LRP2: variants seen among roughly 807,000 people sequenced by gnomAD.
The protein encoded by LRP2 is low-density lipoprotein receptor-related protein 2.
Under a neutral mutation model 531.0 loss-of-function variants are expected in LRP2, and 172 were observed. The observed-to-expected ratio is 0.32, with a 90% CI of 0.29 to 0.37. The LOEUF (loss-of-function observed/expected upper bound fraction) is 0.37. Among genes scored for constraint, LRP2 ranks in the 10% least tolerant of loss-of-function variants. The pLI is 1.00. For synonymous variants in LRP2, 1,992 were observed against 2,027.6 expected (o/e 0.98, Z 0.47); for missense variants, 5,167 against 5,868.3 (o/e 0.88, Z 3.90).
intron 9 of LRP2, among the ~76,000 whole-genome samples, chr2:169,286,984 A>C (rs3770611): frequency 0.57 from 87,198 of 151,988 alleles, 26,015 homozygotes; most frequent in Middle Eastern, 0.71. Flanking sequence ...GTGAGGGGGG[A>C]AAAGGAGCCT....
At chr2:169,296,566 AGC>A (rs1684139033) in intron 4 of LRP2, among the ~76,000 whole-genome samples, 1 of 152,030 alleles carries the variant, frequency 6.6e-6, no homozygotes, top group Non-Finnish European at 1.5e-5. Context: ...TTTTAAGAGC[AGC>A]AGCAAGCAGA....
intron 76 of LRP2, among the ~76,000 whole-genome samples, chr2:169,135,628 A>C (rs1007264122): frequency 4.6e-5 from 7 of 152,056 alleles, no homozygotes; most frequent in Non-Finnish European, 8.8e-5. Context: ...AACACACCTC[A>C]CCAAGCTCAG....
intron 9 of LRP2, among the ~76,000 whole-genome samples, chr2:169,288,443 T>C (rs1683913491): frequency 6.6e-6 from 1 of 152,188 alleles, no homozygotes; most frequent in Non-Finnish European, 1.5e-5. Flanking sequence ...AATCTGCTCA[T>C]CTTGAATGAT....
chr2:169,210,465 T>C (rs1254081324), intron 37 of LRP2, among the ~76,000 whole-genome samples: 1 of 152,248 alleles, frequency 6.6e-6, no homozygotes, highest in Non-Finnish European at 1.5e-5. Context: ...AAAGTATTAT[T>C]GCTAAATGTA....
intron 70 of LRP2, among the ~76,000 whole-genome samples, chr2:169,143,815 A>T (rs1481110241): frequency 6.6e-6 from 1 of 152,198 alleles, no homozygotes; most frequent in Non-Finnish European, 1.5e-5. Context: ...CAAGGGTTGT[A>T]CTGGAGTGGA....
chr2:169,142,252 A>G (rs1685748857), intron 71 of LRP2, among the ~76,000 whole-genome samples: 2 of 152,236 alleles, frequency 1.3e-5, no homozygotes, highest in African/African-American at 4.8e-5. Flanking sequence ...CTGATAATAT[A>G]AAGCACTTTT....
At chr2:169,198,144 T>C (rs562238883) in intron 45 of LRP2, among the ~76,000 whole-genome samples, 50 of 152,330 alleles carry the variant, frequency 3.3e-4, no homozygotes, top group African/African-American at 1.1e-3. Flanking sequence ...TCAGGCACGG[T>C]GGCTCATACT....
intron 1 of LRP2, among the ~76,000 whole-genome samples, chr2:169,323,984 C>T (rs927941808): frequency 6.6e-6 from 1 of 152,082 alleles, no homozygotes; most frequent in Non-Finnish European, 1.5e-5. Flanking sequence ...CAAATGAACA[C>T]CCTATCTCTC....
At chr2:169,274,972 GCTTTGAGAAAAC>G in intron 14 of LRP2, 52 bp downstream of exon 14, 9 of 1,515,764 alleles carry the variant, frequency 5.9e-6, no homozygotes, top group Non-Finnish European at 7.3e-6. Flanking sequence ...AACTTTCAAA[GCTTTGAGAAAAC>G]CTTTCCACCA....
chr2:169,197,845 T>C (rs1168900838), intron 45 of LRP2, among the ~76,000 whole-genome samples: 1 of 152,238 alleles, frequency 6.6e-6, no homozygotes, highest in Non-Finnish European at 1.5e-5. Flanking sequence ...TCCTGTGCTG[T>C]ACCCTAATTT....
At position 169,284,256 on chromosome 2, in the gene LRP2, C is replaced by CTCTTTTTTTTTTTTTT. The variant is rs1553508684; in HGVS notation, c.1043-1256_1043-1255insAAAAAAAAAAAAAAGA. ...CTTTTCTTTTCTTTTTCTTTTTTTT[C>CTCTTTTTTTTTTTTTT]TTTTTTTTTTTTTTTTTTTTTTTTT... On this transcript the variant is annotated intron_variant, in intron 9 of 78. Coordinates refer to ENST00000649046, the MANE Select transcript of LRP2 (RefSeq NM_004525.3). Among the ~76,000 whole-genome samples, 23 of 96,668 alleles carry CTCTTTTTTTTTTTTTT rather than the reference C, an allele frequency of 2.4e-4. 2 individuals carry two copies. Among genetic ancestry groups the CTCTTTTTTTTTTTTTT allele is most frequent in the Non-Finnish European group, 2.9e-4 (15 of 51,788 alleles). The allele number at this position is 96,668 out of a possible 152,430, so 63.4% of individuals were successfully genotyped here.
chr2:169,202,343 G>A (rs576588049), intron 43 of LRP2, among the ~76,000 whole-genome samples: 2 of 152,274 alleles, frequency 1.3e-5, no homozygotes, highest in African/African-American at 2.4e-5. Context: ...TTTGTGCTAC[G>A]AAAATTGGTA....
At chr2:169,182,482 C>G (rs1197919036) in intron 50 of LRP2, 163 bp from the exon 51 acceptor site, 1 of 1,520,402 alleles carries the variant, frequency 6.6e-7, no homozygotes, top group East Asian at 2.4e-5. Context: ...AGTTTGTCTT[C>G]CTGCAGTGAG....
intron 55 of LRP2, 34 bp from the exon 56 acceptor site, chr2:169,174,198 A>G: frequency 6.2e-7 from 1 of 1,613,978 alleles, no homozygotes. Context: ...TCAGCTTGGA[A>G]GGCATCAAGA....
At chr2:169,136,726 C>T (rs1158458595) in intron 76 of LRP2, among the ~76,000 whole-genome samples, 1 of 151,564 alleles carries the variant, frequency 6.6e-6, no homozygotes, top group Non-Finnish European at 1.5e-5. Flanking sequence ...ACGGCCCCAC[C>T]CCTATCTCCC....
chr2:169,233,757 C>T (rs1470712671), intron 29 of LRP2, among the ~76,000 whole-genome samples, 169 bp from the exon 30 acceptor site: 4 of 152,196 alleles, frequency 2.6e-5, no homozygotes, highest in African/African-American at 9.7e-5. Flanking sequence ...CACAATTCGT[C>T]CTATATCCCA....
In LRP2 at chr2:169,166,051, T is replaced by A. The variant is rs1461957271; in HGVS notation, c.11639A>T (p.Asp3880Val). The change falls in exon 62 of 79, where the codon GAT becomes GTT. Residue 3880 changes from aspartate to valine, a missense_variant. Coordinates refer to ENST00000649046, the MANE Select transcript of LRP2 (RefSeq NM_004525.3). The stretch of plus-strand genomic sequence containing the variant: ...ACGGTTTGGTGAATTACAGGGAACA[T>A]CCACTGAAAGGAAAGATAGAAAAAT... ...GSDEELHLCL[D>V]VPCNSPNRFR... 1 of 1,613,844 alleles carries A rather than the reference T, an allele frequency of 6.2e-7. No individual in the cohort carries two copies.
At chr2:169,134,483 T>C (rs972971377) in intron 76 of LRP2, among the ~76,000 whole-genome samples, 3 of 152,092 alleles carry the variant, frequency 2.0e-5, no homozygotes, top group Non-Finnish European at 2.9e-5. Flanking sequence ...CATTTCCCCA[T>C]ATTTCCTTTT....
intron 34 of LRP2, among the ~76,000 whole-genome samples, 154 bp downstream of exon 34, chr2:169,220,300 G>A (rs747135527): frequency 6.6e-6 from 1 of 152,158 alleles, no homozygotes; most frequent in Non-Finnish European, 1.5e-5. Flanking sequence ...ATAGGTCAGA[G>A]CTATTTCTCT....
Sources: gnomAD v4.1 joint callset for allele counts (sites outside exome capture counted in the v4.1 genomes callset) on GRCh38, gnomAD v4.1.1 for gene constraint, MANE v1.5 for transcripts, NCBI Gene and HGNC (gene_info 2026-07-23, HGNC 2026-07-21) for gene names.